Variants in ARHGEF4 observed in about 807,000 individuals in gnomAD.
ARHGEF4 encodes APC-stimulated guanine nucleotide exchange factor 1.
In ARHGEF4, 119 loss-of-function variants were observed where a neutral mutation model predicts 162.0. That is an observed-to-expected ratio of 0.73 (90% confidence interval 0.63 to 0.86). ARHGEF4 has a LOEUF of 0.86. Ranked by LOEUF, ARHGEF4 falls within the 40% of genes least tolerant of loss-of-function variation. ARHGEF4 has a pLI of 0.00. For missense variants in ARHGEF4, 2,488 were observed against 2,456.0 expected (o/e 1.01, Z -0.28); for synonymous variants, 1,014 against 979.9 (o/e 1.03, Z -0.65).
In ARHGEF4 at chr2:131,041,433, G is replaced by A. The variant is rs746586230; in HGVS notation, c.4866G>A (p.Glu1622=). The part of the protein sequence containing the change: ...KICKYPLQLA[E]LLKYTHPQHR... ...GCAAGTACCCTCTGCAGCTGGCCGA[G>A]CTGCTCAAATACACGCACCCCCAGC... The change falls in exon 9 of 14, where the codon GAG becomes GAA. Residue 1622 remains glutamate, a synonymous_variant. Coordinates refer to ENST00000409359, the MANE Select transcript of ARHGEF4 (RefSeq NM_001367493.1). 5.0e-6 allele frequency: 8 copies of A among 1,613,036 alleles called. No homozygotes were observed. In the Admixed American group the frequency reaches 1.0e-4, roughly 20 times the overall value.
At chr2:130,895,687 TG>T (rs1680111612) in intron 1 of ARHGEF4, among the ~76,000 whole-genome samples, 1 of 152,268 alleles carries the variant, frequency 6.6e-6, no homozygotes, top group Non-Finnish European at 1.5e-5. Context: ...TTTTTTGGGT[TG>T]TTCATCTTCT....
chr2:130,964,305 C>T (rs935602849), intron 4 of ARHGEF4: 2 of 958,296 alleles, frequency 2.1e-6, no homozygotes, highest in African/African-American at 1.8e-5. Flanking sequence ...GGTCTGTGCT[C>T]TTGGGACCCC....
At chr2:131,044,262 C>G in intron 11 of ARHGEF4, 37 bp from the exon 12 acceptor site, 1 of 1,604,700 alleles carries the variant, frequency 6.2e-7, no homozygotes, top group Non-Finnish European at 8.5e-7. Flanking sequence ...GTCAGGGGAG[C>G]GGTTCAGCAG....
chr2:131,039,857 G>A (rs1690625878), intron 6 of ARHGEF4, 159 bp from the exon 7 acceptor site: 2 of 1,428,756 alleles, frequency 1.4e-6, no homozygotes, highest in Non-Finnish European at 1.8e-6. Flanking sequence ...CAGGACTTGC[G>A]TGGGTGGCGT....
In ARHGEF4 at chr2:130,971,049, T is replaced by A. The variant is rs555875137; in HGVS notation, c.3985+24414T>A. On this transcript the variant is annotated intron_variant, in intron 4 of 13. Coordinates refer to ENST00000409359, the MANE Select transcript of ARHGEF4 (RefSeq NM_001367493.1). ...CCTTCTAGAAGGTTTTACAGTTTTATATTTTGTACTTAGATCTATGATCTA... is the reference window on the plus strand; with the variant it reads ...CCTTCTAGAAGGTTTTACAGTTTTAAATTTTGTACTTAGATCTATGATCTA... Among the ~76,000 whole-genome samples the A allele has an allele frequency of 2.0e-5, 3 of 152,334 alleles. No homozygotes were observed. In the South Asian group the frequency reaches 6.2e-4, roughly 32 times the overall value.
chr2:130,924,920 G>A (rs1233047214), intron 2 of ARHGEF4, among the ~76,000 whole-genome samples: 1 of 152,092 alleles, frequency 6.6e-6, no homozygotes, highest in Non-Finnish European at 1.5e-5. Flanking sequence ...CTAGGTCTCT[G>A]CTGGGTGTAA....
At chr2:130,958,721 T>G (rs1684448328) in intron 4 of ARHGEF4, among the ~76,000 whole-genome samples, 1 of 151,724 alleles carries the variant, frequency 6.6e-6, no homozygotes, top group Non-Finnish European at 1.5e-5. Context: ...TGAATAGATG[T>G]TTCTTTATTT....
At chr2:130,887,488 C>A (rs1017353401) in intron 1 of ARHGEF4, among the ~76,000 whole-genome samples, 2 of 152,018 alleles carry the variant, frequency 1.3e-5, no homozygotes, top group Non-Finnish European at 2.9e-5. Context: ...ATTAATTGAC[C>A]TATTTTTATC....
At chr2:131,031,644 G>GT (rs1689858622) in intron 5 of ARHGEF4, among the ~76,000 whole-genome samples, 1 of 152,176 alleles carries the variant, frequency 6.6e-6, no homozygotes, top group African/African-American at 2.4e-5. Context: ...CCTGCCCCTC[G>GT]TGAGTGTCCA....
chr2:130,952,630 T>C (rs2105165891), intron 4 of ARHGEF4, among the ~76,000 whole-genome samples: 1 of 152,314 alleles, frequency 6.6e-6, no homozygotes, highest in South Asian at 2.1e-4. Flanking sequence ...ATTGTCCCTG[T>C]TTGCAAATGA....
chr2:130,850,375 G>A (rs1275314111), intron 1 of ARHGEF4, among the ~76,000 whole-genome samples: 1 of 152,200 alleles, frequency 6.6e-6, no homozygotes, highest in Admixed American at 6.5e-5. Context: ...CGTGTCCCAA[G>A]TCTGCCTAGG....
chr2:131,046,019 GCT>G lies in ARHGEF4; in HGVS notation c.5480-18_5480-17del. The stretch of plus-strand genomic sequence containing the variant: ...CTGCCCTGGGCACCCATGACCCTCT[GCT>G]GTCTCTCCCTGTTCAGCTGTTGGCC... On this transcript the variant is annotated splice_polypyrimidine_tract_variant and intron_variant, in intron 13 of 13. Transcript: ENST00000409359. 1 of 1,602,574 alleles carries G rather than the reference GCT, an allele frequency of 6.2e-7. No individual in the cohort carries two copies. The highest frequency in any genetic ancestry group is 8.5e-7 in the Non-Finnish European group (1 of 1,172,656).
Position 131,038,876 on chromosome 2 carries a change from C to G in ARHGEF4, c.4149C>G (p.Val1383=). Residue 1383 remains valine (V), a synonymous_variant, in exon 6 of 14, where the codon GTC becomes GTG. Transcript: ENST00000409359. ...AGCTCATCAGCGATGGCAGTGTGGT[C>G]TGCGCTGAAGCACTCTGGGACCATG... is the stretch of plus-strand genomic sequence containing the variant. The part of the protein sequence containing the change: ...INELISDGSV[V]CAEALWDHVT... The G allele has an allele frequency of 1.2e-6, 2 of 1,612,456 alleles. No individual in the cohort carries two copies. The highest frequency in any genetic ancestry group is 1.7e-6 in the Non-Finnish European group (2 of 1,179,596).
At chr2:130,951,414 A>G (rs1683950757) in intron 4 of ARHGEF4, among the ~76,000 whole-genome samples, 1 of 152,220 alleles carries the variant, frequency 6.6e-6, no homozygotes, top group Non-Finnish European at 1.5e-5. Flanking sequence ...TGGGTTATTA[A>G]TTGGCCTAAT....
At chr2:130,983,572 C>A (rs1686264367) in intron 4 of ARHGEF4, among the ~76,000 whole-genome samples, 1 of 152,158 alleles carries the variant, frequency 6.6e-6, no homozygotes, top group Admixed American at 6.5e-5. Flanking sequence ...TTACTTAAGT[C>A]ACATGAACTT....
chr2:130,912,128 T>C (rs1377935925), intron 1 of ARHGEF4, among the ~76,000 whole-genome samples: 1 of 152,210 alleles, frequency 6.6e-6, no homozygotes, highest in Admixed American at 6.5e-5. Flanking sequence ...AGTTCACTGG[T>C]TAATGACAGC....
At chr2:130,889,811 C>CA (rs35297177) in intron 1 of ARHGEF4, among the ~76,000 whole-genome samples, 1,361 of 67,124 alleles carry the variant, frequency 0.02, 21 homozygotes, top group South Asian at 0.025. Flanking sequence ...GACTCCGTCT[C>CA]AAAAAAAAAA....
intron 4 of ARHGEF4, among the ~76,000 whole-genome samples, chr2:131,027,519 C>G (rs900449687): frequency 1.3e-5 from 2 of 152,136 alleles, no homozygotes; most frequent in African/African-American, 4.8e-5. Context: ...AAATTTCAAA[C>G]CATATTTGCA....
intron 4 of ARHGEF4, among the ~76,000 whole-genome samples, chr2:130,983,221 AAAG>A (rs772108817): frequency 6.6e-6 from 1 of 152,362 alleles, no homozygotes. Flanking sequence ...ACCATCATTT[AAAG>A]TTAGTAATTT....
Sources: allele counts gnomAD v4.1 joint callset (sites outside exome capture counted in the v4.1 genomes callset), GRCh38; gene constraint gnomAD v4.1.1; transcripts MANE v1.5; gene names NCBI Gene and HGNC (gene_info 2026-07-23, HGNC 2026-07-21).